Variants in MUC4 observed in about 807,000 individuals in gnomAD.
MUC4 encodes the protein mucin-4.
A neutral mutation model predicts 257.9 loss-of-function variants in MUC4; 202 were observed. That is an observed-to-expected ratio of 0.78 (90% CI 0.70 to 0.88). MUC4 has a LOEUF of 0.88. MUC4 is among the 40% of genes least tolerant of loss of function. MUC4 has a pLI of 0.00. For synonymous variants in MUC4, 2,351 were observed against 2,757.1 expected (o/e 0.85, Z 4.62); for missense variants, 5,976 against 6,513.7 (o/e 0.92, Z 2.84).
intron 4 of MUC4, among the ~76,000 whole-genome samples, chr3:195,772,382 A>G (rs1723120407): frequency 1.5e-5 from 2 of 129,690 alleles, no homozygotes; most frequent in South Asian, 2.4e-4. Flanking sequence ...CCCTCCCTTC[A>G]TCGCTCAGGG....
chr3:195,766,717 A>T lies in MUC4; in HGVS notation c.13564T>A (p.Ser4522Thr), dbSNP rs1310943459. Residue 4522 changes from serine (S) to threonine (T), a missense_variant, in exon 8 of 25, where the codon TCC becomes ACC. Around this residue, in one of 44 missense-constraint regions of MUC4, gnomAD observed 996 missense variants for 1,137.3 expected, o/e 0.88. Coordinates refer to ENST00000463781, the MANE Select transcript of MUC4 (RefSeq NM_018406.7). ...CGATACCTCTCCCACACTGGCTGGG[A>T]CATCAGTGGGCTGTTTTCGAAATAG... ...DGYFENSPLMSQPVWERYRPD... is the reference protein window; with the variant it reads ...DGYFENSPLMTQPVWERYRPD... 6.2e-7 allele frequency: 1 copy of T among 1,614,182 alleles called. No individual in the cohort carries two copies. The highest frequency in any genetic ancestry group is 8.5e-7 in the Non-Finnish European group (1 of 1,180,018).
intron 1 of MUC4, among the ~76,000 whole-genome samples, chr3:195,798,522 T>C (rs3107746): frequency 0.47 from 71,372 of 151,672 alleles, 18,607 homozygotes; most frequent in East Asian, 0.75. Flanking sequence ...GCTAACAGGG[T>C]GAACCCCCGT....
intron 1 of MUC4, among the ~76,000 whole-genome samples, chr3:195,808,699 C>T (rs75320986): frequency 0.023 from 3,510 of 152,308 alleles, 123 homozygotes; most frequent in African/African-American, 0.08. Context: ...AGCCCCTGCT[C>T]TTCCCTGTGC....
Position 195,782,536 on chromosome 3 carries a change from G to A in MUC4, c.9044C>T (p.Ser3015Phe). The A allele has an allele frequency of 2.0e-6, 3 of 1,478,196 alleles. No homozygotes were observed. The highest frequency in any genetic ancestry group is 2.7e-6 in the Non-Finnish European group (3 of 1,102,648). 91.6% of individuals were successfully genotyped at this position (1,478,196 alleles called of 1,614,324 possible). The change falls in exon 2 of 25, where the codon TCC becomes TTC. Residue 3015 changes from serine (S) to phenylalanine (F), a missense_variant. By Grantham distance (155) the Ser-to-Phe change is radical. Coordinates refer to ENST00000463781, the MANE Select transcript of MUC4 (RefSeq NM_018406.7). ...GGTGGCGTGACCTGTGGATATTGAG[G>A]AAGTGTCGGTGACAGGAAGAGAGGT... ...HATSLPVTDT[S>F]SISTGHATPL...
chr3:195,768,898 G>C, intron 7 of MUC4, 124 bp downstream of exon 7: 1 of 1,278,456 alleles, frequency 7.8e-7, no homozygotes, highest in South Asian at 1.6e-5. Context: ...GAGTCAGCGT[G>C]AGTCAGAAGC....
At chr3:195,797,331 G>C (rs1354347981) in intron 1 of MUC4, among the ~76,000 whole-genome samples, 1 of 151,894 alleles carries the variant, frequency 6.6e-6, no homozygotes, top group Non-Finnish European at 1.5e-5. Context: ...GTTTAAATCA[G>C]AAATGCAAGA....
chr3:195,751,155 G>C lies in MUC4; in HGVS notation c.15648-43C>G. On this transcript the variant is annotated intron_variant, in intron 22 of 24. Coordinates refer to ENST00000463781, the MANE Select transcript of MUC4 (RefSeq NM_018406.7). ...GGTGAGGGGGGGTGGGGGGCTGGGG[G>C]TGGGGGATGAGGAAGAGATCTGGGG... The C allele has an allele frequency of 4.0e-6, 6 of 1,499,078 alleles. No homozygotes were observed. In the South Asian group the frequency reaches 6.0e-5, roughly 15 times the overall value. The allele number at this position is 1,499,078 out of a possible 1,614,324, so 92.9% of individuals were successfully genotyped here.
intron 1 of MUC4, among the ~76,000 whole-genome samples, chr3:195,803,412 G>A (rs575420599): frequency 6.6e-6 from 1 of 152,246 alleles, no homozygotes; most frequent in Admixed American, 6.5e-5. Flanking sequence ...CAGACCTTAT[G>A]AATTAAACTA....
In MUC4 at chr3:195,766,759, A is replaced by G. The variant is rs2148823987; in HGVS notation, c.13530-8T>C. On this transcript the variant is annotated splice_region_variant and splice_polypyrimidine_tract_variant and intron_variant, in intron 7 of 24. Transcript: ENST00000463781. Reference sequence around the variant, plus strand: ...TCGAAATAGCCATCTCCACTGCAGGAAAGGAGAGACTCTCAGGCCTCTGCC... The same window carrying G: ...TCGAAATAGCCATCTCCACTGCAGGGAAGGAGAGACTCTCAGGCCTCTGCC... 1 of 1,613,636 alleles carries G rather than the reference A, an allele frequency of 6.2e-7. No individual in the cohort carries two copies. The highest frequency in any genetic ancestry group is 8.5e-7 in the Non-Finnish European group (1 of 1,179,654).
chr3:195,765,252 G>A lies in MUC4; in HGVS notation c.13798+18C>T, dbSNP rs1015451395. ...AGGGTGGTGGGTGGGCTTGTGGGGGGCGGGAAGGAGGTGTCACCTATGCTG... is the reference window on the plus strand; with the variant it reads ...AGGGTGGTGGGTGGGCTTGTGGGGGACGGGAAGGAGGTGTCACCTATGCTG... On this transcript the variant is annotated intron_variant, in intron 9 of 24. Coordinates refer to ENST00000463781, the MANE Select transcript of MUC4 (RefSeq NM_018406.7). 6.3e-6 allele frequency: 10 copies of A among 1,598,802 alleles called. No individual in the cohort carries two copies. Among genetic ancestry groups the A allele is most frequent in the Non-Finnish European group, 7.7e-6 (9 of 1,170,268 alleles).
Position 195,782,524 on chromosome 3 carries a change from G to T in MUC4, c.9056C>A (p.Thr3019Lys). 6.9e-7 allele frequency: 1 copy of T among 1,455,716 alleles called. No individual in the cohort carries two copies. The highest frequency in any genetic ancestry group is 1.2e-5 in the South Asian group (1 of 80,952). 90.2% of individuals were successfully genotyped at this position (1,455,716 alleles called of 1,614,324 possible). The change falls in exon 2 of 25, where the codon ACA becomes AAA. Residue 3019 changes from threonine to lysine, a missense_variant. By Grantham distance (78) the Thr-to-Lys change is moderately conservative (BLOSUM62 -1). This residue lies in a region of MUC4 where 68 missense variants were observed against 50.2 expected (regional missense o/e 1.35). Transcript: ENST00000463781. Reference protein sequence around the residue: ...LPVTDTSSISTGHATPLHVTS... With the variant: ...LPVTDTSSISKGHATPLHVTS... ...GACATGAAGAGGGGTGGCGTGACCT[G>T]TGGATATTGAGGAAGTGTCGGTGAC...
At chr3:195,767,669 CCA>C (rs1560263224) in intron 7 of MUC4, among the ~76,000 whole-genome samples, 1 of 20,990 alleles carries the variant, frequency 4.8e-5, no homozygotes, top group African/African-American at 4.8e-4. Flanking sequence ...ACCACCATCA[CCA>C]TCACCACCAT....
In MUC4 at chr3:195,762,210, C is replaced by T. The variant is rs763029856; in HGVS notation, c.14389G>A (p.Gly4797Ser). The change falls in exon 14 of 25, where the codon GGC becomes AGC. Residue 4797 changes from glycine to serine, a missense_variant. Physicochemically the swap from Gly to Ser is moderately conservative, Grantham distance 56. Around this residue, in one of 44 missense-constraint regions of MUC4, gnomAD observed 996 missense variants for 1,137.3 expected, o/e 0.88. Transcript: ENST00000463781. ...TCGAAGCTGGCCGAGACCTCAGAGC[C>T]GTTGCGGCTCAGGAGGACTCCGGTG... ...NATGVLLSRNGSEVSASFDGW... is the reference protein window; with the variant it reads ...NATGVLLSRNSSEVSASFDGW... 1.3e-6 allele frequency: 2 copies of T among 1,596,984 alleles called. No individual in the cohort carries two copies. The highest frequency in any genetic ancestry group is 1.7e-6 in the Non-Finnish European group (2 of 1,172,082).
At chr3:195,754,074 A>G in intron 19 of MUC4, 139 bp downstream of exon 19, 1 of 1,216,510 alleles carries the variant, frequency 8.2e-7, no homozygotes, top group Non-Finnish European at 1.1e-6. Context: ...ACCTGCCTAG[A>G]TTTCCCACAC....
Position 195,790,544 on chromosome 3 carries a change from G to C in MUC4, c.1036C>G (p.Pro346Ala), listed in dbSNP as rs777262016. ...GATAAAACAGTTGATGTTGTAACCG[G>C]TGTGAGGGTGTTGAGGGTGTTGATT... ...SQINTLNTLT[P>A]VTTSTVLSSP... Residue 346 changes from proline to alanine, a missense_variant, in exon 2 of 25, where the codon CCG becomes GCG. By Grantham distance (27) the Pro-to-Ala change is conservative. Transcript: ENST00000463781. 2.5e-6 allele frequency: 4 copies of C among 1,613,878 alleles called. No individual in the cohort carries two copies. The South Asian group carries it at 4.4e-5, about 18-fold the overall frequency.
rs754892236 is a variant in MUC4, at chr3:195,748,950, C to A, written c.15986G>T (p.Cys5329Phe). 1.9e-6 allele frequency: 3 copies of A among 1,606,032 alleles called. No homozygotes were observed. The highest frequency in any genetic ancestry group is 2.6e-6 in the Non-Finnish European group (3 of 1,176,422). Reference protein sequence around the residue: ...TCVSPCSRGYCDHGGQCQHLP... With the variant: ...TCVSPCSRGYFDHGGQCQHLP... ...GTGCTGGCACTGGCCTCCATGGTCA[C>A]AGTAGCCCCTACTGCACGGGGACAC... The change falls in exon 24 of 25, where the codon TGT (cysteine) becomes TTT (phenylalanine). Residue 5329 changes from cysteine (C) to phenylalanine (F), a missense_variant. Cys to Phe is a radical substitution (Grantham distance 205). Coordinates refer to ENST00000463781, the MANE Select transcript of MUC4 (RefSeq NM_018406.7).
intron 2 of MUC4, 76 bp downstream of exon 2, chr3:195,778,714 T>A (rs190912259): frequency 1.4e-6 from 2 of 1,453,184 alleles, no homozygotes; most frequent in East Asian, 4.9e-5. Context: ...TGCACCAGTG[T>A]TCTCAGGTAC....
Position 195,789,242 on chromosome 3 carries a change from CT to C in MUC4, c.2337del (p.Glu780ArgfsTer80). 3 of 1,613,922 alleles carry C rather than the reference CT, an allele frequency of 1.9e-6. No individual in the cohort carries two copies. Among genetic ancestry groups the C allele is most frequent in the Non-Finnish European group, 2.5e-6 (3 of 1,179,864 alleles). ...CTGGTCTGTGTTTGTCCAGAGGCCT[CT>C]GTGCTCTCAGCCTGGTGGGTATGGG... The part of the protein sequence containing the change: ...AMTHTHQAES[T>X]EASGQTQTSE... On this transcript the variant is annotated frameshift_variant, in exon 2 of 25. Coordinates refer to ENST00000463781, the MANE Select transcript of MUC4 (RefSeq NM_018406.7). LOFTEE classifies it high-confidence loss of function.
At chr3:195,771,541 C>A in intron 5 of MUC4, 111 bp downstream of exon 5, 1 of 1,285,632 alleles carries the variant, frequency 7.8e-7, no homozygotes, top group South Asian at 1.5e-5. Flanking sequence ...GCCTCAGTCC[C>A]CTGCTGCAGG....
Sources: gnomAD v4.1 joint callset for allele counts (sites outside exome capture counted in the v4.1 genomes callset) on GRCh38, gnomAD v4.1.1 for gene constraint, gnomAD v4.1.1 regional missense constraint, MANE v1.5 for transcripts, NCBI Gene and HGNC (gene_info 2026-07-23, HGNC 2026-07-21) for gene names.